Variants in CSMD3 observed in about 807,000 individuals in gnomAD.
CSMD3 encodes the protein CUB and Sushi multiple domains 3, also known as CUB and sushi domain-containing protein 3.
Under a neutral mutation model 435.2 loss-of-function variants are expected in CSMD3, and 177 were observed. The ratio of observed to expected loss-of-function variants is 0.41; its 90% confidence interval spans 0.36 to 0.46. CSMD3 has a LOEUF of 0.46. Ranked by LOEUF, CSMD3 falls within the 20% of genes least tolerant of loss-of-function variation. The pLI, the probability that CSMD3 is intolerant of heterozygous loss-of-function variation, is 0.34. For missense variants in CSMD3, 4,265 were observed against 4,504.6 expected (o/e 0.95, Z 1.52); for synonymous variants, 1,656 against 1,520.5 (o/e 1.09, Z -2.07).
chr8:112,349,023 G>A (rs1375494369), intron 40 of CSMD3, among the ~76,000 whole-genome samples: 1 of 151,888 alleles, frequency 6.6e-6, no homozygotes, highest in African/African-American at 2.4e-5. Flanking sequence ...TTTATGAAAG[G>A]TTTTAAGCAG....
At chr8:112,376,697 C>T (rs1294712551) in intron 38 of CSMD3, among the ~76,000 whole-genome samples, 1 of 152,158 alleles carries the variant, frequency 6.6e-6, no homozygotes, top group Admixed American at 6.6e-5. Context: ...TGTAGGTATA[C>T]TAATGTTAAT....
At chr8:113,280,098 G>A in intron 2 of CSMD3, among the ~76,000 whole-genome samples, 1 of 151,788 alleles carries the variant, frequency 6.6e-6, no homozygotes, top group Non-Finnish European at 1.5e-5. Context: ...TCGCACCCAT[G>A]TTCATCAAGG....
At chr8:112,588,475 A>G (rs1204139694) in intron 22 of CSMD3, among the ~76,000 whole-genome samples, 1 of 151,494 alleles carries the variant, frequency 6.6e-6, no homozygotes, top group East Asian at 1.9e-4. Flanking sequence ...AAAAAAAAAA[A>G]TCAAAGTTCC....
chr8:112,503,858 T>A lies in CSMD3; in HGVS notation c.5015A>T (p.Asn1672Ile). The A allele has an allele frequency of 6.2e-7, 1 of 1,613,124 alleles. No homozygotes were observed. The highest frequency in any genetic ancestry group is 8.5e-7 in the Non-Finnish European group (1 of 1,179,428). The change falls in exon 30 of 71, where the codon AAT (asparagine) becomes ATT (isoleucine). Residue 1672 changes from asparagine to isoleucine, a missense_variant. This residue lies in a region of CSMD3 where 3,255 missense variants were observed against 3,380.2 expected (regional missense o/e 0.96). Coordinates refer to ENST00000297405, the MANE Select transcript of CSMD3 (RefSeq NM_198123.2). ...ACTCCGAAAAGCCAAATGCATTGTATTTGAGCTGCTTTCTATTCTCTCTGG... is the reference window on the plus strand; with the variant it reads ...ACTCCGAAAAGCCAAATGCATTGTAATTGAGCTGCTTTCTATTCTCTCTGG... ...KLPERIESSSNTMHLAFRSDG... is the reference protein window; with the variant it reads ...KLPERIESSSITMHLAFRSDG...
intron 35 of CSMD3, among the ~76,000 whole-genome samples, chr8:112,392,662 A>AC (rs1830521133): frequency 6.6e-6 from 1 of 151,004 alleles, no homozygotes; most frequent in Admixed American, 6.6e-5. Context: ...CCTCATACGT[A>AC]CTTTTTTTTT....
intron 4 of CSMD3, among the ~76,000 whole-genome samples, chr8:113,110,139 C>T (rs559355232): frequency 3.3e-5 from 5 of 152,274 alleles, no homozygotes; most frequent in Non-Finnish European, 7.4e-5. Flanking sequence ...ATTAATAGCA[C>T]CAGGCTGATC....
chr8:113,395,641 A>C (rs968962641), intron 1 of CSMD3, among the ~76,000 whole-genome samples: 2 of 151,648 alleles, frequency 1.3e-5, no homozygotes, highest in African/African-American at 4.8e-5. Context: ...GAAATCTAAA[A>C]TTTGAAAGCA....
At chr8:112,592,848 T>A (rs1831316377) in intron 22 of CSMD3, among the ~76,000 whole-genome samples, 1 of 152,118 alleles carries the variant, frequency 6.6e-6, no homozygotes, top group Admixed American at 6.5e-5. Flanking sequence ...ATGTGATATG[T>A]ACTCCAAAAA....
intron 27 of CSMD3, among the ~76,000 whole-genome samples, chr8:112,517,631 A>G (rs1303359609): frequency 6.6e-6 from 1 of 152,186 alleles, no homozygotes; most frequent in African/African-American, 2.4e-5. Flanking sequence ...ATTTTAATGA[A>G]AACGATATCA....
chr8:112,602,908 T>C (rs923379596), intron 22 of CSMD3, among the ~76,000 whole-genome samples: 8 of 152,146 alleles, frequency 5.3e-5, no homozygotes, highest in African/African-American at 1.9e-4. Flanking sequence ...GCAATTCACA[T>C]TTTTGGGTAG....
At chr8:113,072,653 C>T (rs2089175093) in intron 5 of CSMD3, among the ~76,000 whole-genome samples, 1 of 151,674 alleles carries the variant, frequency 6.6e-6, no homozygotes, top group South Asian at 2.1e-4. Flanking sequence ...AGTGTGTACT[C>T]AAATAATCAT....
At chr8:113,123,777 T>G (rs1219055134) in intron 4 of CSMD3, among the ~76,000 whole-genome samples, 1 of 151,974 alleles carries the variant, frequency 6.6e-6, no homozygotes, top group Non-Finnish European at 1.5e-5. Context: ...TAAGCATACA[T>G]TTACTATCTT....
chr8:112,462,937 T>G (rs1051348632), intron 32 of CSMD3, among the ~76,000 whole-genome samples: 1 of 152,134 alleles, frequency 6.6e-6, no homozygotes, highest in African/African-American at 2.4e-5. Flanking sequence ...ACAGTCAATC[T>G]CCCTTCTCTG....
At chr8:112,586,586 A>G (rs1280855398) in intron 23 of CSMD3, among the ~76,000 whole-genome samples, 1 of 151,182 alleles carries the variant, frequency 6.6e-6, no homozygotes, top group Non-Finnish European at 1.5e-5. Context: ...TTATATATTC[A>G]TAAAATGTAT....
In CSMD3 at chr8:112,896,533, G is replaced by C. The variant is rs1454690968; in HGVS notation, c.1633+25094C>G. Among the ~76,000 whole-genome samples, 3 of 149,016 alleles carry C rather than the reference G, an allele frequency of 2.0e-5. No homozygotes were observed. The East Asian group carries it at 6.1e-4, about 30-fold the overall frequency. On this transcript the variant is annotated intron_variant, in intron 10 of 70. Transcript: ENST00000297405. ...ATGATACCAAATTTTCTTTTACCCA[G>C]TACCACCTTATTTAATCCATCACCA...
chr8:112,556,624 C>A, intron 25 of CSMD3, 139 bp downstream of exon 25: 1 of 644,924 alleles, frequency 1.6e-6, no homozygotes. Flanking sequence ...TTTCTTTTGA[C>A]AAATTCAAGC....
chr8:113,354,952 G>A (rs1442757331), intron 1 of CSMD3, among the ~76,000 whole-genome samples: 1 of 152,086 alleles, frequency 6.6e-6, no homozygotes, highest in Non-Finnish European at 1.5e-5. Flanking sequence ...AGAGACAAAT[G>A]TTGATAGTCC....
At chr8:112,767,024 T>C (rs181841535) in intron 13 of CSMD3, among the ~76,000 whole-genome samples, 2 of 151,966 alleles carry the variant, frequency 1.3e-5, no homozygotes, top group East Asian at 1.9e-4. Context: ...GTTTAGCTTG[T>C]AGAAATGTAC....
At chr8:113,359,896 CAT>C (rs532298801) in intron 1 of CSMD3, among the ~76,000 whole-genome samples, 267 of 152,194 alleles carry the variant, frequency 1.8e-3, no homozygotes, top group Middle Eastern at 0.014. Flanking sequence ...TGAAATCAAA[CAT>C]GTGCAGCTTC....
Sources: gnomAD v4.1 joint callset for allele counts (sites outside exome capture counted in the v4.1 genomes callset) on GRCh38, gnomAD v4.1.1 for gene constraint, gnomAD v4.1.1 regional missense constraint, MANE v1.5 for transcripts, NCBI Gene and HGNC (gene_info 2026-07-23, HGNC 2026-07-21) for gene names.